The following DISC1 variants were observed in gnomAD, a reference collection of about 807,000 sequenced individuals.
The protein encoded by DISC1 is DISC1 scaffold protein, also known as disrupted in schizophrenia 1 protein.
DISC1 carries 57 observed loss-of-function variants against 84.5 expected under a neutral mutation model. The observed-to-expected ratio is 0.67, with a 90% CI of 0.55 to 0.84. The LOEUF (loss-of-function observed/expected upper bound fraction) is 0.84. DISC1 is among the 40% of genes least tolerant of loss of function. DISC1 has a pLI of 0.00. For synonymous variants in DISC1, 411 were observed against 415.2 expected, an observed-to-expected ratio of 0.99 and a Z score of 0.12; for missense variants, 1,000 against 1,057.8, an observed-to-expected ratio of 0.95 and a Z score of 0.76.
chr1:231,722,694 A>T, intron 3 of DISC1: 2 of 1,589,824 alleles, frequency 1.3e-6, no homozygotes, highest in East Asian at 2.3e-5. Flanking sequence ...GAAAAAGAGG[A>T]CCCACGTGGA....
intron 8 of DISC1, among the ~76,000 whole-genome samples, chr1:231,809,041 A>G (rs2080006469): frequency 6.6e-6 from 1 of 152,200 alleles, no homozygotes; most frequent in African/African-American, 2.4e-5. Flanking sequence ...TATAGGGAGT[A>G]GGGTCTGGGC....
chr1:231,892,604 C>T (rs1260182774), intron 9 of DISC1, among the ~76,000 whole-genome samples: 1 of 151,446 alleles, frequency 6.6e-6, no homozygotes, highest in East Asian at 1.9e-4. Context: ...GGTACTAAAA[C>T]AAGTGAGACG....
At chr1:231,908,060 A>G (rs965137348) in intron 9 of DISC1, among the ~76,000 whole-genome samples, 1 of 152,174 alleles carries the variant, frequency 6.6e-6, no homozygotes, top group African/African-American at 2.4e-5. Context: ...AGTTCTTTGT[A>G]GATTCTGGAT....
At position 232,009,495 on chromosome 1, in the gene DISC1, A is replaced by G; in HGVS notation, c.2307+446A>G. On this transcript the variant is annotated intron_variant, in intron 11 of 12. Transcript: ENST00000439617. The surrounding 1 kb of genome is among the most constrained non-coding windows in gnomAD (Gnocchi z 4.6). Reference sequence around the variant, plus strand: ...AATCTATATATTACAATATATTATTATTTATTTGAATGAAACATTCAAATA... The same window carrying G: ...AATCTATATATTACAATATATTATTGTTTATTTGAATGAAACATTCAAATA... The G allele has an allele frequency of 1.5e-6, 1 of 687,020 alleles. No individual in the cohort carries two copies. Among genetic ancestry groups the G allele is most frequent in the African/African-American group, 2.0e-5 (1 of 51,244 alleles). 42.6% of individuals were successfully genotyped at this position (687,020 alleles called of 1,614,324 possible). A position where few individuals can be genotyped will look rare whatever the true frequency, so the allele number is the denominator to read the frequency against.
At position 231,727,246 on chromosome 1, in the gene DISC1, C is replaced by T. The variant is rs527491525; in HGVS notation, c.1118-22680C>T. On this transcript the variant is annotated intron_variant, in intron 3 of 12. Transcript: ENST00000439617. ...TCTCACTCTAATTTTACATTGCACA[C>T]CTATAATGGATTCTTATTTTCTGCT... Among the ~76,000 whole-genome samples, 298 of 152,192 alleles carry T rather than the reference C, an allele frequency of 2.0e-3. 4 individuals carry two copies. Among genetic ancestry groups the T allele is most frequent in the African/African-American group, 6.8e-3 (284 of 41,528 alleles).
At chr1:231,766,784 G>A (rs894483875) in intron 4 of DISC1, among the ~76,000 whole-genome samples, 1 of 152,120 alleles carries the variant, frequency 6.6e-6, no homozygotes, top group Admixed American at 6.5e-5. Context: ...TTACGAATGA[G>A]TTATTTTGTA....
chr1:231,818,353 A>G lies in DISC1; in HGVS notation c.1817A>G (p.Asp606Gly), dbSNP rs2081241659. The G allele has an allele frequency of 6.2e-7, 1 of 1,613,788 alleles. No homozygotes were observed. The highest frequency in any genetic ancestry group is 1.7e-5 in the Admixed American group (1 of 59,988). ...ISGNHFWTAK[D>G]LTEEIRSLTS... is the part of the protein sequence containing the mutation. The stretch of plus-strand genomic sequence containing the variant: ...GGAAACCATTTCTGGACGGCTAAAG[A>G]CCTCACCGAGGAGATTAGATCATTA... Residue 606 changes from aspartate (D) to glycine (G), a missense_variant, in exon 9 of 13, where the codon GAC becomes GGC. By Grantham distance (94) the Asp-to-Gly change is moderately conservative. Around this residue, in one of 3 missense-constraint regions of DISC1, gnomAD observed 397 missense variants for 377.5 expected, o/e 1.05. Coordinates refer to ENST00000439617, the MANE Select transcript of DISC1 (RefSeq NM_018662.3).
intron 8 of DISC1, among the ~76,000 whole-genome samples, chr1:231,801,766 C>A (rs1243687813): frequency 6.6e-6 from 1 of 151,944 alleles, no homozygotes; most frequent in Non-Finnish European, 1.5e-5. Context: ...AATGGGCAAA[C>A]CCTCACTCCA....
chr1:231,836,319 G>A (rs905055879), intron 9 of DISC1, among the ~76,000 whole-genome samples: 6 of 152,214 alleles, frequency 3.9e-5, no homozygotes, highest in African/African-American at 1.2e-4. Context: ...TGGTGTCTGT[G>A]GCCCTTGAAG....
At chr1:231,768,182 C>T (rs2076298284) in intron 5 of DISC1, among the ~76,000 whole-genome samples, 1 of 152,152 alleles carries the variant, frequency 6.6e-6, no homozygotes, top group African/African-American at 2.4e-5. Context: ...CTGCTTGAGC[C>T]TGGAGCTGTG....
intron 3 of DISC1, among the ~76,000 whole-genome samples, chr1:231,707,092 T>C (rs2067178732): frequency 6.6e-6 from 1 of 152,166 alleles, no homozygotes; most frequent in South Asian, 2.1e-4. Context: ...CAAGATTGAA[T>C]AGAATCGGCC....
rs1368400083 is a variant in DISC1 at position 231,787,093 on chromosome 1, AG to A, written c.1635-8148del. On this transcript the variant is annotated intron_variant, in intron 6 of 12. Coordinates refer to ENST00000439617, the MANE Select transcript of DISC1 (RefSeq NM_018662.3). ...ATTACTAAGAGAGGGTGTGGATTTAAGTATGTTCTAAGGCTCTTGAGATAGG... is the reference window on the plus strand; with the variant it reads ...ATTACTAAGAGAGGGTGTGGATTTAATATGTTCTAAGGCTCTTGAGATAGG... Among the ~76,000 whole-genome samples, 4 of 152,160 alleles carry A rather than the reference AG, an allele frequency of 2.6e-5. No homozygotes were observed. In the East Asian group the frequency reaches 5.8e-4, roughly 22 times the overall value.
chr1:231,777,812 A>G (rs1315547371), intron 6 of DISC1, among the ~76,000 whole-genome samples: 5 of 152,214 alleles, frequency 3.3e-5, no homozygotes, highest in African/African-American at 9.7e-5. Flanking sequence ...ACTTGCTTAC[A>G]ATAACCCTAT....
intron 9 of DISC1, among the ~76,000 whole-genome samples, chr1:231,949,769 C>T (rs370277879): frequency 1.3e-5 from 2 of 152,182 alleles, no homozygotes; most frequent in East Asian, 3.9e-4. Flanking sequence ...TTAACAGTTG[C>T]ATATGAAAAG....
intron 4 of DISC1, among the ~76,000 whole-genome samples, chr1:231,759,545 A>AAAAAAAAC (rs2075450263): frequency 6.9e-6 from 1 of 144,402 alleles, no homozygotes. Context: ...AAAAAAAAAA[A>AAAAAAAAC]AAAAAACAAA....
chr1:231,932,845 A>G (rs1558749787), intron 9 of DISC1, among the ~76,000 whole-genome samples: 1 of 152,168 alleles, frequency 6.6e-6, no homozygotes, highest in Non-Finnish European at 1.5e-5. Context: ...CTAAAATTCA[A>G]AATTTTTGGT....
chr1:231,647,732 C>G (rs999010310), intron 1 of DISC1, among the ~76,000 whole-genome samples: 1 of 152,136 alleles, frequency 6.6e-6, no homozygotes, highest in Non-Finnish European at 1.5e-5. Flanking sequence ...TCTTTTATTT[C>G]GTTGAGCAGT....
At chr1:231,908,729 G>C (rs905106338) in intron 9 of DISC1, among the ~76,000 whole-genome samples, 5 of 152,128 alleles carry the variant, frequency 3.3e-5, no homozygotes, top group Non-Finnish European at 7.4e-5. Context: ...AGCTTGATGC[G>C]GATGGCATTG....
In DISC1 at chr1:232,032,978, T is replaced by A. The variant is rs377671616; in HGVS notation, c.2426-3714T>A. On this transcript the variant is annotated intron_variant, in intron 12 of 12. Transcript: ENST00000439617. ...TATCAAATGAGATAGTTTATTTTTCTGTAAGTCAGTGAGAAAATGTTGTAA... is the reference window on the plus strand; with the variant it reads ...TATCAAATGAGATAGTTTATTTTTCAGTAAGTCAGTGAGAAAATGTTGTAA... 1.5e-4 allele frequency among the ~76,000 whole-genome samples: 23 copies of A among 152,330 alleles called. No individual in the cohort carries two copies. The East Asian group carries it at 2.7e-3, about 18-fold the overall frequency.
Sources: allele counts gnomAD v4.1 joint callset (sites outside exome capture counted in the v4.1 genomes callset), GRCh38; gene constraint gnomAD v4.1.1; regional missense constraint gnomAD v4.1.1; non-coding constraint Gnocchi (gnomAD v3.1); transcripts MANE v1.5; gene names NCBI Gene and HGNC (gene_info 2026-07-23, HGNC 2026-07-21).